LRCH3: variants seen among roughly 807,000 people sequenced by gnomAD.
LRCH3 encodes the protein leucine rich repeats and calponin homology domain containing 3.
A neutral mutation model predicts 104.5 loss-of-function variants in LRCH3; 68 were observed. That is an observed-to-expected ratio of 0.65 (90% confidence interval 0.54 to 0.80). The LOEUF (loss-of-function observed/expected upper bound fraction) is 0.80. LRCH3 is among the 30% of genes least tolerant of loss of function. The probability of loss-of-function intolerance (pLI) is 0.00; values close to 1 mark genes in which losing one functional copy is unlikely to be tolerated. For missense variants in LRCH3, 951 were observed against 953.9 expected, an observed-to-expected ratio of 1.00 and a Z score of 0.04; for synonymous variants, 344 against 361.3, an observed-to-expected ratio of 0.95 and a Z score of 0.54.
chr3:197,796,859 A>G (rs540278966), intron 1 of LRCH3, among the ~76,000 whole-genome samples: 60 of 152,308 alleles, frequency 3.9e-4, no homozygotes, highest in African/African-American at 1.3e-3. Flanking sequence ...TTTGCCCAAT[A>G]TCTTTGAAGG....
At chr3:197,826,488 C>T (rs566728691) in intron 4 of LRCH3, among the ~76,000 whole-genome samples, 1 of 152,146 alleles carries the variant, frequency 6.6e-6, no homozygotes, top group South Asian at 2.1e-4. Context: ...CTTGCTGATT[C>T]CTGGGAACAT....
rs1286060846 is a variant in LRCH3 at position 197,854,425 on chromosome 3, G to A, written c.1624G>A (p.Asp542Asn). 1.2e-6 allele frequency: 2 copies of A among 1,614,162 alleles called. No individual in the cohort carries two copies. The highest frequency in any genetic ancestry group is 1.1e-5 in the South Asian group (1 of 91,080). Residue 542 changes from aspartate to asparagine, a missense_variant, in exon 14 of 21, where the codon GAT becomes AAT. Asp to Asn is a conservative substitution (Grantham distance 23). Transcript: ENST00000425562. The surrounding 1 kb of genome is among the most constrained non-coding windows in gnomAD (Gnocchi z 4.5). The stretch of plus-strand genomic sequence containing the variant: ...CCCATCCAGAAGGTCTCAGCACACT[G>A]ATGATAGTGCCTTGTGCATGGTAAG... ...PFPSRRSQHT[D>N]DSALCMSLSG... is the part of the protein sequence containing the mutation.
At chr3:197,839,501 G>C (rs1252183045) in intron 10 of LRCH3, 104 bp downstream of exon 10, 4 of 648,656 alleles carry the variant, frequency 6.2e-6, no homozygotes, top group Non-Finnish European at 1.0e-5. Flanking sequence ...TGTTTACATG[G>C]CATGTATTTA....
intron 17 of LRCH3, among the ~76,000 whole-genome samples, chr3:197,867,357 A>G (rs930056055): frequency 6.6e-6 from 1 of 151,288 alleles, no homozygotes; most frequent in Admixed American, 6.6e-5. Flanking sequence ...TGGAGGCTGT[A>G]GTGAGCTGAG....
chr3:197,832,506 CAG>C (rs1220647414), intron 8 of LRCH3, among the ~76,000 whole-genome samples, 189 bp downstream of exon 8: 1 of 152,126 alleles, frequency 6.6e-6, no homozygotes, highest in Non-Finnish European at 1.5e-5. Context: ...TGGTTTCAGT[CAG>C]AGTTAAAATA....
Position 197,850,453 on chromosome 3 carries a change from T to A in LRCH3, c.1531-2108T>A. On this transcript the variant is annotated intron_variant, in intron 12 of 20. Transcript: ENST00000425562. ...TTCAGTTTCTTCTGGGATATCTTTTTCTTCTGGGCAACCTCCTCTTCTGGT... is the reference window on the plus strand; with the variant it reads ...TTCAGTTTCTTCTGGGATATCTTTTACTTCTGGGCAACCTCCTCTTCTGGT... 1.9e-6 allele frequency: 3 copies of A among 1,582,532 alleles called. No individual in the cohort carries two copies. The Admixed American group carries it at 5.0e-5, about 26-fold the overall frequency.
At chr3:197,882,577 T>C in intron 20 of LRCH3, 4 of 960,388 alleles carry the variant, frequency 4.2e-6, no homozygotes, top group Non-Finnish European at 5.0e-6. Context: ...ATATATAATC[T>C]TTTTTTAGTG....
In LRCH3 at chr3:197,795,686, G is replaced by GTTTTT. The variant is rs1167369678; in HGVS notation, c.262+4166_262+4170dup. Among the ~76,000 whole-genome samples, 204 of 65,802 alleles carry GTTTTT rather than the reference G, an allele frequency of 3.1e-3. 3 individuals carry two copies. Among genetic ancestry groups the GTTTTT allele is most frequent in the African/African-American group, 5.5e-3 (87 of 15,910 alleles). 43.2% of individuals were successfully genotyped at this position (65,802 alleles called of 152,430 possible). A position where few individuals can be genotyped will look rare whatever the true frequency, so the allele number is the denominator to read the frequency against. The stretch of plus-strand genomic sequence containing the variant: ...GCTTAAGGTGAGTAAAAAAGTTGTT[G>GTTTTT]TTTTTTTTTTTTTTTTTTTTTTTTG... On this transcript the variant is annotated intron_variant, in intron 1 of 20. Transcript: ENST00000425562.
intron 12 of LRCH3, 80 bp downstream of exon 12, chr3:197,848,101 T>A (rs1219728802): frequency 6.9e-7 from 1 of 1,458,924 alleles, no homozygotes; most frequent in Non-Finnish European, 9.4e-7. Flanking sequence ...TGGTTTTTAT[T>A]GTCCATTAAA....
chr3:197,867,042 A>G (rs1348055068), intron 17 of LRCH3, among the ~76,000 whole-genome samples: 1 of 152,180 alleles, frequency 6.6e-6, no homozygotes, highest in African/African-American at 2.4e-5. Flanking sequence ...TGGGAGGCCA[A>G]GGCGAGCAGA....
At chr3:197,817,813 T>C (rs1386843775) in intron 3 of LRCH3, among the ~76,000 whole-genome samples, 1 of 151,706 alleles carries the variant, frequency 6.6e-6, no homozygotes, top group Non-Finnish European at 1.5e-5. Flanking sequence ...TTCATTGCCA[T>C]GTTTGTTTGT....
At chr3:197,839,989 C>G (rs1737555708) in intron 10 of LRCH3, among the ~76,000 whole-genome samples, 1 of 149,452 alleles carries the variant, frequency 6.7e-6, no homozygotes, top group Non-Finnish European at 1.5e-5. Context: ...AAAAAAAATA[C>G]AAAATACAAA....
intron 20 of LRCH3, among the ~76,000 whole-genome samples, chr3:197,878,020 C>T (rs1231162232): frequency 6.6e-6 from 1 of 152,182 alleles, no homozygotes; most frequent in Non-Finnish European, 1.5e-5. Context: ...TCCAGTTCTT[C>T]CCTTCTGCTT....
Position 197,810,045 on chromosome 3 carries a change from C to T in LRCH3, c.263-4863C>T, listed in dbSNP as rs1256805169. Among the ~76,000 whole-genome samples, 1 of 152,034 alleles carries T rather than the reference C, an allele frequency of 6.6e-6. No individual in the cohort carries two copies. The highest frequency in any genetic ancestry group is 2.4e-5 in the African/African-American group (1 of 41,400). Reference sequence around the variant, plus strand: ...TAGGGGTGAGGCTACTCAAAGGTTGCATGGGAAGCCTGTTTTTTTCCAGTT... The same window carrying T: ...TAGGGGTGAGGCTACTCAAAGGTTGTATGGGAAGCCTGTTTTTTTCCAGTT... On this transcript the variant is annotated intron_variant, in intron 1 of 20. Coordinates refer to ENST00000425562, the MANE Select transcript of LRCH3 (RefSeq NM_001365715.1). The surrounding 1 kb of genome is among the most constrained non-coding windows in gnomAD (Gnocchi z 4.0).
At chr3:197,846,402 A>C (rs1287995810) in intron 10 of LRCH3, among the ~76,000 whole-genome samples, 2 of 138,670 alleles carry the variant, frequency 1.4e-5, no homozygotes, top group African/African-American at 5.9e-5. Flanking sequence ...AAAAAAAAAC[A>C]AAAAAAAAAC....
At chr3:197,870,398 C>A in intron 18 of LRCH3, 120 bp downstream of exon 18, 1 of 954,126 alleles carries the variant, frequency 1.0e-6, no homozygotes, top group Non-Finnish European at 1.5e-6. Flanking sequence ...CGGAGTCTCA[C>A]TCTGTCACCC....
chr3:197,832,432 TA>T, intron 8 of LRCH3, 115 bp downstream of exon 8: 2 of 984,044 alleles, frequency 2.0e-6, no homozygotes. Flanking sequence ...ACTCTTCTTT[TA>T]AAGACTTCTT....
Position 197,835,828 on chromosome 3 carries a change from A to T in LRCH3, c.1251+6A>T. On this transcript the variant is annotated splice_donor_region_variant and intron_variant, in intron 9 of 20. Coordinates refer to ENST00000425562, the MANE Select transcript of LRCH3 (RefSeq NM_001365715.1). The stretch of plus-strand genomic sequence containing the variant: ...AGCGGCGAATCTCTCATGAGGTAGT[A>T]CACAGATTGAAGCCTAAATATGTTG... The T allele has an allele frequency of 6.2e-7, 1 of 1,613,568 alleles. No individual in the cohort carries two copies. The highest frequency in any genetic ancestry group is 8.5e-7 in the Non-Finnish European group (1 of 1,179,644).
intron 4 of LRCH3, among the ~76,000 whole-genome samples, chr3:197,821,199 A>G (rs940284245): frequency 2.0e-5 from 3 of 152,196 alleles, no homozygotes; most frequent in East Asian, 3.9e-4. Flanking sequence ...GAGATGTTCA[A>G]ACAGAGGCTA....
Sources: allele counts gnomAD v4.1 joint callset (sites outside exome capture counted in the v4.1 genomes callset), GRCh38; gene constraint gnomAD v4.1.1; non-coding constraint Gnocchi (gnomAD v3.1); transcripts MANE v1.5; gene names NCBI Gene and HGNC (gene_info 2026-07-23, HGNC 2026-07-21).